Variants in CIRSR observed in about 807,000 individuals in gnomAD.
The protein encoded by CIRSR is CBF1 (RBPJ) interacting corepressor 1.
At chr2:174,395,546 C>G in the CIRSR span, 1 of 1,614,078 alleles carries the variant, frequency 6.2e-7, no homozygotes, top group Non-Finnish European at 8.5e-7. Context: ...GGTCTGTTTA[C>G]TCACTTTTTT....
At chr2:174,349,564 T>TAAA in the CIRSR span, among the ~76,000 whole-genome samples, 27 of 105,116 alleles carry the variant, frequency 2.6e-4, no homozygotes, top group African/African-American at 5.8e-4. Context: ...GACTCTGTCT[T>TAAA]AAAAAAAAAA....
chr2:174,379,020 A>C, the CIRSR span: 3 of 1,613,554 alleles, frequency 1.9e-6, no homozygotes, highest in East Asian at 6.7e-5. Context: ...TGTGACATTT[A>C]ATGCACCTCA....
chr2:174,367,087 T>C, the CIRSR span, among the ~76,000 whole-genome samples: 1 of 152,210 alleles, frequency 6.6e-6, no homozygotes, highest in African/African-American at 2.4e-5. Flanking sequence ...CAATTACAAA[T>C]ATAGTAGATA....
At chr2:174,368,511 A>AT in the CIRSR span, among the ~76,000 whole-genome samples, 1 of 152,210 alleles carries the variant, frequency 6.6e-6, no homozygotes, top group African/African-American at 2.4e-5. Context: ...AAAGTTAAAA[A>AT]ATATATATTT....
the CIRSR span, among the ~76,000 whole-genome samples, chr2:174,379,349 C>G: frequency 6.6e-6 from 1 of 152,126 alleles, no homozygotes; most frequent in African/African-American, 2.4e-5. Context: ...AGCTTAAATT[C>G]TCTCATTTTA....
chr2:174,389,980 A>C, the CIRSR span, among the ~76,000 whole-genome samples: 1 of 152,228 alleles, frequency 6.6e-6, no homozygotes, highest in Non-Finnish European at 1.5e-5. Context: ...TGTTTGCTGC[A>C]GGGGTGGAAC....
the CIRSR span, among the ~76,000 whole-genome samples, chr2:174,376,817 AAAAG>A: frequency 1.9e-4 from 29 of 151,666 alleles, 2 homozygotes. Context: ...AAAAAAAAAA[AAAAG>A]AAAGAAATGG....
At chr2:174,385,322 A>C in the CIRSR span, among the ~76,000 whole-genome samples, 2 of 152,120 alleles carry the variant, frequency 1.3e-5, no homozygotes, top group Non-Finnish European at 2.9e-5. Context: ...GGACAGTAAA[A>C]ACAAAAGAGA....
chr2:174,379,881 G>A, the CIRSR span, among the ~76,000 whole-genome samples: 1 of 151,698 alleles, frequency 6.6e-6, no homozygotes, highest in African/African-American at 2.4e-5. Context: ...CTGCCACCAT[G>A]GCTAGCTAAT....
chr2:174,382,625 C>A, the CIRSR span, among the ~76,000 whole-genome samples: 1 of 152,004 alleles, frequency 6.6e-6, no homozygotes, highest in East Asian at 1.9e-4. Flanking sequence ...GGCGACAGAG[C>A]CAGGCTCTGT....
At chr2:174,350,787 C>A in the CIRSR span, 4 of 1,391,576 alleles carry the variant, frequency 2.9e-6, no homozygotes, top group Non-Finnish European at 4.0e-6. Context: ...GATTTCAACA[C>A]AAGGTAGTTA....
At chr2:174,348,580 G>A in the CIRSR span, 1 of 1,614,112 alleles carries the variant, frequency 6.2e-7, no homozygotes, top group East Asian at 2.2e-5. Flanking sequence ...TCTGTGCCAT[G>A]GCTTCTGCTG....
chr2:174,353,824 C>T, the CIRSR span, among the ~76,000 whole-genome samples: 4 of 152,098 alleles, frequency 2.6e-5, no homozygotes, highest in African/African-American at 7.2e-5. Context: ...TCAAATTTCA[C>T]ATGTAGGAAC....
the CIRSR span, among the ~76,000 whole-genome samples, chr2:174,377,822 C>CT: frequency 3.3e-5 from 1 of 30,202 alleles, no homozygotes; most frequent in Non-Finnish European, 6.6e-5. Context: ...CAGACGCCAT[C>CT]TCAAAAAAAA....
At chr2:174,357,088 T>A in the CIRSR span, among the ~76,000 whole-genome samples, 2 of 152,310 alleles carry the variant, frequency 1.3e-5, no homozygotes, top group African/African-American at 2.4e-5. Flanking sequence ...ACAAACAAGG[T>A]CCACATATTG....
the CIRSR span, among the ~76,000 whole-genome samples, chr2:174,393,290 AAC>A: frequency 2.0e-5 from 3 of 152,184 alleles, no homozygotes; most frequent in Non-Finnish European, 4.4e-5. Flanking sequence ...AGCTGAACAA[AAC>A]AGTGTATCCT....
chr2:174,385,536 T>C, the CIRSR span, among the ~76,000 whole-genome samples: 1 of 152,218 alleles, frequency 6.6e-6, no homozygotes, highest in Non-Finnish European at 1.5e-5. Context: ...GAAAGGAATC[T>C]GGGTGCCTAA....
chr2:174,367,536 T>A, the CIRSR span, among the ~76,000 whole-genome samples: 1 of 151,956 alleles, frequency 6.6e-6, no homozygotes, highest in Non-Finnish European at 1.5e-5. Context: ...GCCGAGATCA[T>A]GCCACTGCAC....
the CIRSR span, among the ~76,000 whole-genome samples, chr2:174,384,233 C>T: frequency 6.6e-6 from 1 of 152,134 alleles, no homozygotes; most frequent in Admixed American, 6.5e-5. Context: ...CATATATGAA[C>T]CTTGGACACA....
Sources: allele counts gnomAD v4.1 joint callset (sites outside exome capture counted in the v4.1 genomes callset), GRCh38; gene constraint gnomAD v4.1.1; transcripts MANE v1.5; gene names NCBI Gene and HGNC (gene_info 2026-07-23, HGNC 2026-07-21).